The following TBC1D9B variants were observed in gnomAD, a reference collection of about 807,000 sequenced individuals.
TBC1D9B encodes the protein TBC1 domain family, member 9B (with GRAM domain).
Under a neutral mutation model 121.1 loss-of-function variants are expected in TBC1D9B, and 87 were observed. The observed-to-expected ratio is 0.72, with a 90% CI of 0.60 to 0.86. The LOEUF (loss-of-function observed/expected upper bound fraction) is 0.86, where lower values mean the gene tolerates loss of function less well. Among genes scored for constraint, TBC1D9B ranks in the 40% least tolerant of loss-of-function variants. The probability of loss-of-function intolerance (pLI) is 0.00; values close to 1 mark genes in which losing one functional copy is unlikely to be tolerated. For synonymous variants in TBC1D9B, 668 were observed against 670.1 expected, an observed-to-expected ratio of 1.00 and a Z score of 0.05; for missense variants, 1,540 against 1,628.6, an observed-to-expected ratio of 0.95 and a Z score of 0.94.
chr5:179,862,288 A>C lies in TBC1D9B; in HGVS notation c.*1160T>G, dbSNP rs1759865380. On this transcript the variant is annotated 3_prime_UTR_variant, in exon 21 of 21. Coordinates refer to ENST00000355235, the MANE Select transcript of TBC1D9B (RefSeq NM_015043.4). ...GGTAACTGCTGTATCTTTTAGTAGA[A>C]GCAAGAGCAGCCCCATGTGGGGGCT... 1 of 276,190 alleles carries C rather than the reference A, an allele frequency of 3.6e-6. No homozygotes were observed. Among genetic ancestry groups the C allele is most frequent in the South Asian group, 3.4e-5 (1 of 29,524 alleles). 17.1% of individuals were successfully genotyped at this position (276,190 alleles called of 1,614,324 possible). A position where few individuals can be genotyped will look rare whatever the true frequency, so the allele number is the denominator to read the frequency against.
At position 179,891,655 on chromosome 5, in the gene TBC1D9B, C is replaced by T. The variant is rs552238225; in HGVS notation, c.837-69G>A. 9.8e-5 allele frequency: 153 copies of T among 1,555,924 alleles called. 1 individual carries two copies. Among genetic ancestry groups the T allele is most frequent in the South Asian group, 4.8e-4 (43 of 89,186 alleles). ...CAGGACCAGCACACTCTCAAGGAAG[C>T]CTTGGGGCCTCCCCAGGCCTGTTTC... is the stretch of plus-strand genomic sequence containing the variant. On this transcript the variant is annotated intron_variant, in intron 5 of 20. Coordinates refer to ENST00000355235, the MANE Select transcript of TBC1D9B (RefSeq NM_015043.4). The surrounding 1 kb of genome is among the most constrained non-coding windows in gnomAD (Gnocchi z 4.3).
chr5:179,868,045 C>CT (rs982009045), intron 17 of TBC1D9B, 196 bp from the exon 18 acceptor site: 28,120 of 353,658 alleles, frequency 0.08, no homozygotes, highest in East Asian at 0.11. Context: ...CTTTCCTCAG[C>CT]TTTTTTTTTT....
intron 8 of TBC1D9B, 102 bp from the exon 9 acceptor site, chr5:179,879,299 C>A: frequency 6.8e-7 from 1 of 1,476,140 alleles, no homozygotes. Context: ...ACAGTGCTGG[C>A]CAGCAAGTGT....
At chr5:179,894,743 C>T (rs916546122) in intron 3 of TBC1D9B, 129 bp from the exon 4 acceptor site, 16 of 816,318 alleles carry the variant, frequency 2.0e-5, no homozygotes, top group Non-Finnish European at 2.9e-5. Flanking sequence ...CAGCTGGGAA[C>T]AGTCAGTGGC....
chr5:179,899,385 A>T (rs1455483744), intron 2 of TBC1D9B, 78 bp from the exon 3 acceptor site: 4 of 1,256,442 alleles, frequency 3.2e-6, no homozygotes, highest in Non-Finnish European at 4.6e-6. Flanking sequence ...AAGCGAGATG[A>T]AAGTGGGTGA....
chr5:179,868,937 G>A (rs1291964336), intron 17 of TBC1D9B: 1 of 152,862 alleles, frequency 6.5e-6, no homozygotes, highest in African/African-American at 2.4e-5. Context: ...CCTCTCTGGT[G>A]AGCCAGCCAC....
chr5:179,895,881 TA>T (rs1761004584), intron 3 of TBC1D9B, among the ~76,000 whole-genome samples: 1 of 152,164 alleles, frequency 6.6e-6, no homozygotes. Context: ...CCTTTTGACA[TA>T]AGAAGTATTT....
At chr5:179,873,034 C>A in intron 13 of TBC1D9B, 44 bp from the exon 14 acceptor site, 1 of 1,613,702 alleles carries the variant, frequency 6.2e-7, no homozygotes, top group Non-Finnish European at 8.5e-7. Flanking sequence ...AACTGCAGGG[C>A]AGAGGGCCAC....
chr5:179,869,341 T>C (rs1012424862), intron 17 of TBC1D9B: 7 of 361,158 alleles, frequency 1.9e-5, no homozygotes, highest in Non-Finnish European at 3.8e-5. Context: ...ACAGCACCAC[T>C]GAGAGGCCAG....
chr5:179,867,756 G>C, intron 18 of TBC1D9B, 22 bp downstream of exon 18: 1 of 1,595,716 alleles, frequency 6.3e-7, no homozygotes, highest in African/African-American at 1.3e-5. Flanking sequence ...TGGGCATGTC[G>C]GGTGTTCCAG....
At chr5:179,866,493 AG>A in intron 18 of TBC1D9B, 1 of 152,386 alleles carries the variant, frequency 6.6e-6, no homozygotes, top group Non-Finnish European at 1.5e-5. Context: ...GGGGCACCTC[AG>A]GCAGGTCGGC....
chr5:179,862,777 A>C lies in TBC1D9B; in HGVS notation c.*671T>G. The C allele has an allele frequency of 2.9e-6, 1 of 346,096 alleles. No homozygotes were observed. Among genetic ancestry groups the C allele is most frequent in the Non-Finnish European group, 5.9e-6 (1 of 169,128 alleles). 21.4% of individuals were successfully genotyped at this position (346,096 alleles called of 1,614,324 possible). A position where few individuals can be genotyped will look rare whatever the true frequency, so the allele number is the denominator to read the frequency against. ...AGGGATTTATTAAGGCATTGAGCAC[A>C]GTGTAATTTCTAGCCAAGTGAAATG... is the stretch of plus-strand genomic sequence containing the variant. On this transcript the variant is annotated 3_prime_UTR_variant, in exon 21 of 21. Coordinates refer to ENST00000355235, the MANE Select transcript of TBC1D9B (RefSeq NM_015043.4).
chr5:179,879,000 G>GGACT, intron 9 of TBC1D9B, 47 bp downstream of exon 9: 1 of 1,587,068 alleles, frequency 6.3e-7, no homozygotes, highest in South Asian at 1.1e-5. Flanking sequence ...GAGAGCTTGG[G>GGACT]GACTGACTGG....
chr5:179,875,745 G>A lies in TBC1D9B; in HGVS notation c.1900+175C>T, dbSNP rs984866243. On this transcript the variant is annotated intron_variant, in intron 11 of 20. Transcript: ENST00000355235. This position sits in a 1 kb window ranked among gnomAD's most constrained non-coding sequence, Gnocchi z 4.5. ...TCAAAAAGTTGACAGGAAGTTAGAT[G>A]GATAGGAATTTAGGCTCTGAGGGGA... 2.6e-5 allele frequency among the ~76,000 whole-genome samples: 4 copies of A among 152,206 alleles called. No homozygotes were observed. Among genetic ancestry groups the A allele is most frequent in the African/African-American group, 9.7e-5 (4 of 41,446 alleles).
intron 2 of TBC1D9B, among the ~76,000 whole-genome samples, 174 bp from the exon 3 acceptor site, chr5:179,899,481 A>C (rs974670314): frequency 6.6e-6 from 1 of 152,076 alleles, no homozygotes; most frequent in African/African-American, 2.4e-5. Flanking sequence ...AAAGTAATAA[A>C]TGGTCCTGGT....
intron 6 of TBC1D9B, among the ~76,000 whole-genome samples, chr5:179,888,542 G>A (rs1760763222): frequency 6.6e-6 from 1 of 152,204 alleles, no homozygotes; most frequent in Non-Finnish European, 1.5e-5. Context: ...CACACCGGCT[G>A]TGCAGGGTGG....
intron 7 of TBC1D9B, among the ~76,000 whole-genome samples, chr5:179,881,946 G>GTTTTTTTTT (rs796278508): frequency 7.8e-6 from 1 of 128,328 alleles, no homozygotes; most frequent in African/African-American, 3.3e-5. Flanking sequence ...TATACCTTCC[G>GTTTTTTTTT]TTTTTTTTTT....
intron 5 of TBC1D9B, among the ~76,000 whole-genome samples, chr5:179,892,876 C>T (rs1182289579): frequency 1.3e-5 from 2 of 152,196 alleles, no homozygotes; most frequent in Non-Finnish European, 2.9e-5. Flanking sequence ...CGAGGGACTT[C>T]AGGCAAGTTA....
intron 7 of TBC1D9B, chr5:179,884,444 T>C (rs1182098141): frequency 6.6e-6 from 1 of 152,200 alleles, no homozygotes; most frequent in East Asian, 1.9e-4. Context: ...GCACAGTTGG[T>C]GGATAGAGCA....
Sources: gnomAD v4.1 joint callset for allele counts (sites outside exome capture counted in the v4.1 genomes callset) on GRCh38, gnomAD v4.1.1 for gene constraint, Gnocchi (gnomAD v3.1) non-coding constraint, MANE v1.5 for transcripts, NCBI Gene and HGNC (gene_info 2026-07-23, HGNC 2026-07-21) for gene names.